Variants in APOB observed in about 807,000 individuals in gnomAD.
APOB encodes apolipoprotein B-100.
APOB carries 153 observed loss-of-function variants against 314.1 expected under a neutral mutation model. That is an observed-to-expected ratio of 0.49 (90% CI 0.43 to 0.56). APOB has a LOEUF of 0.56. Ranked by LOEUF, APOB falls within the 20% of genes least tolerant of loss-of-function variation. APOB has a pLI of 0.00. For missense variants in APOB, 5,430 were observed against 5,350.7 expected, an observed-to-expected ratio of 1.01 and a Z score of -0.46; for synonymous variants, 2,087 against 2,036.4, an observed-to-expected ratio of 1.02 and a Z score of -0.67.
Position 21,006,890 on chromosome 2 carries a change from T to C in APOB, c.9978A>G (p.Ile3326Met). ...SLPDFKELCT[I>M]SHIFIPAMGN... The stretch of plus-strand genomic sequence containing the variant: ...CCATGGCAGGAATAAAAATATGGCT[T>C]ATGGTACACAATTCCTTGAAATCTG... The change falls in exon 26 of 29, where the codon ATA becomes ATG. Residue 3326 changes from isoleucine to methionine, a missense_variant. Ile to Met is a conservative substitution (Grantham distance 10). Around this residue, in one of 3 missense-constraint regions of APOB, gnomAD observed 3,281 missense variants for 3,171.0 expected, o/e 1.03. Transcript: ENST00000233242. The C allele has an allele frequency of 6.2e-7, 1 of 1,614,092 alleles. No individual in the cohort carries two copies. The highest frequency in any genetic ancestry group is 8.5e-7 in the Non-Finnish European group (1 of 1,179,970).
At position 21,013,236 on chromosome 2, in the gene APOB, T is replaced by C. The variant is rs781016611; in HGVS notation, c.4140A>G (p.Thr1380=). ...SASYSGGNTS[T]DHFSLRARYH... ...AACGAGCCCGAAGGCTGAAATGGTC[T>C]GTGCTGGTGTTGCCACCACTGTAGG... Residue 1380 remains threonine (T), a synonymous_variant, in exon 25 of 29, where the codon ACA becomes ACG. Transcript: ENST00000233242. The C allele has an allele frequency of 1.2e-6, 2 of 1,614,212 alleles. No individual in the cohort carries two copies. Among genetic ancestry groups the C allele is most frequent in the Non-Finnish European group, 1.7e-6 (2 of 1,180,038 alleles).
intron 1 of APOB, 37 bp downstream of exon 1, chr2:21,043,817 GGCTCCCTCCC>G: frequency 6.5e-7 from 1 of 1,532,450 alleles, no homozygotes; most frequent in Non-Finnish European, 8.7e-7. Context: ...TCGTGCCGCC[GGCTCCCTCCC>G]GCTCCCTCTG....
chr2:21,022,414 C>T (rs1663633222), intron 18 of APOB, among the ~76,000 whole-genome samples: 1 of 152,144 alleles, frequency 6.6e-6, no homozygotes, highest in Non-Finnish European at 1.5e-5. Context: ...TCATGCTTTA[C>T]CTACCTAGCT....
chr2:21,011,760 G>T lies in APOB; in HGVS notation c.5108C>A (p.Ala1703Asp), dbSNP rs557580138. The T allele has an allele frequency of 6.2e-7, 1 of 1,614,116 alleles. No individual in the cohort carries two copies. The highest frequency in any genetic ancestry group is 2.2e-5 in the East Asian group (1 of 44,868). Residue 1703 changes from alanine to aspartate, a missense_variant, in exon 26 of 29, where the codon GCC becomes GAC. Around this residue, in one of 3 missense-constraint regions of APOB, gnomAD observed 2,085 missense variants for 2,079.7 expected, o/e 1.00. Coordinates refer to ENST00000233242, the MANE Select transcript of APOB (RefSeq NM_000384.3). ...HNAKFSLDGK[A>D]ALTELSLGSA... ...TCCCAGTGATAGCTCTGTGAGGGCG[G>T]CTTTCCCATCCAGACTGAATTTTGC...
Position 21,011,141 on chromosome 2 carries a change from T to A in APOB, c.5727A>T (p.Ala1909=), listed in dbSNP as rs1663307268. 3 of 1,614,190 alleles carry A rather than the reference T, an allele frequency of 1.9e-6. No individual in the cohort carries two copies. The highest frequency in any genetic ancestry group is 2.5e-6 in the Non-Finnish European group (3 of 1,180,030). The stretch of plus-strand genomic sequence containing the variant: ...CGAGTTTCCCATTGCCATTTGTATG[T>A]GCATCGATGGTCATGGTAAACGGGG... The part of the protein sequence containing the change: ...VMAPFTMTID[A]HTNGNGKLAL... Residue 1909 remains alanine (A), a synonymous_variant, in exon 26 of 29, where the codon GCA becomes GCT. Transcript: ENST00000233242.
Position 21,025,016 on chromosome 2 carries a change from C to T in APOB, c.2353G>A (p.Gly785Ser). The T allele has an allele frequency of 6.2e-7, 1 of 1,614,246 alleles. No individual in the cohort carries two copies. The highest frequency in any genetic ancestry group is 8.5e-7 in the Non-Finnish European group (1 of 1,180,048). The change falls in exon 16 of 29, where the codon GGT (glycine) becomes AGT (serine). Residue 785 changes from glycine (G) to serine (S), a missense_variant. This residue lies in a region of APOB where 2,085 missense variants were observed against 2,079.7 expected (regional missense o/e 1.00). Coordinates refer to ENST00000233242, the MANE Select transcript of APOB (RefSeq NM_000384.3). ...AYLRILGEEL[G>S]FASLHDLQLL... is the part of the protein sequence containing the mutation. ...TGGAGGTCATGGAGACTGGCAAAAC[C>T]AAGCTCCTCTCCCAAGATGCGGAGG...
intron 4 of APOB, among the ~76,000 whole-genome samples, chr2:21,040,524 G>C (rs541642245): frequency 6.6e-6 from 1 of 152,166 alleles, no homozygotes; most frequent in Non-Finnish European, 1.5e-5. Context: ...GGGAGCCACC[G>C]AAGCCTTGGT....
intron 26 of APOB, 139 bp downstream of exon 26, chr2:21,004,941 A>G: frequency 8.5e-7 from 1 of 1,182,494 alleles, no homozygotes. Flanking sequence ...TGTAGGGTAT[A>G]CATGTATCTC....
At position 21,030,952 on chromosome 2, in the gene APOB, A is replaced by G. The variant is rs1344077746; in HGVS notation, c.1353-937T>C. Among the ~76,000 whole-genome samples, 3 of 152,232 alleles carry G rather than the reference A, an allele frequency of 2.0e-5. No homozygotes were observed. In the East Asian group the frequency reaches 5.8e-4, roughly 29 times the overall value. On this transcript the variant is annotated intron_variant, in intron 10 of 28. Coordinates refer to ENST00000233242, the MANE Select transcript of APOB (RefSeq NM_000384.3). ...GCCATTATTCAAAAGACAAAAAATAACAGTTGTTGGTGAGGATACAGAGAA... is the reference window on the plus strand; with the variant it reads ...GCCATTATTCAAAAGACAAAAAATAGCAGTTGTTGGTGAGGATACAGAGAA...
Position 21,014,469 on chromosome 2 carries a change from G to A in APOB, c.3821C>T (p.Pro1274Leu), listed in dbSNP as rs1204565963. Residue 1274 changes from proline (P) to leucine (L), a missense_variant, in exon 24 of 29, where the codon CCA (proline) becomes CTA (leucine). This residue lies in a region of APOB where 2,085 missense variants were observed against 2,079.7 expected (regional missense o/e 1.00). Coordinates refer to ENST00000233242, the MANE Select transcript of APOB (RefSeq NM_000384.3). ...TTACCTTTTTAAGAAGAGGTTTTCT[G>A]GGATGTGGAAGTCTGGCAATCCCAT... The part of the protein sequence containing the change: ...QNMGLPDFHI[P>L]ENLFLKSDGR... The A allele has an allele frequency of 6.2e-7, 1 of 1,613,974 alleles. No individual in the cohort carries two copies. The highest frequency in any genetic ancestry group is 1.7e-5 in the Admixed American group (1 of 60,002).
Position 21,027,817 on chromosome 2 carries a change from T to C in APOB, c.2067+11A>G. 1.2e-6 allele frequency: 2 copies of C among 1,602,716 alleles called. No homozygotes were observed. Among genetic ancestry groups the C allele is most frequent in the Non-Finnish European group, 1.7e-6 (2 of 1,169,632 alleles). On this transcript the variant is annotated intron_variant, in intron 14 of 28. Transcript: ENST00000233242. ...AAATGGGCTAGAGAACCTCAAACTCTTCACACTTACCTCGATGAGGTCAGC... is the reference window on the plus strand; with the variant it reads ...AAATGGGCTAGAGAACCTCAAACTCCTCACACTTACCTCGATGAGGTCAGC...
intron 2 of APOB, 69 bp downstream of exon 2, chr2:21,043,444 C>T: frequency 6.5e-7 from 1 of 1,545,082 alleles, no homozygotes; most frequent in Admixed American, 1.9e-5. Flanking sequence ...GGGAGGCCCT[C>T]AGGGACCCGG....
Position 21,027,828 on chromosome 2 carries a change from C to T in APOB, c.2067G>A (p.Glu689=), listed in dbSNP as rs1663771546. Residue 689 remains glutamate, a splice_region_variant and synonymous_variant, in exon 14 of 29, where the codon GAG becomes GAA. Transcript: ENST00000233242. ...AFGFASADLI[E]IGLEGKGFEP... ...AGAACCTCAAACTCTTCACACTTACCTCGATGAGGTCAGCTGAAGCAAATC... is the reference window on the plus strand; with the variant it reads ...AGAACCTCAAACTCTTCACACTTACTTCGATGAGGTCAGCTGAAGCAAATC... 6.2e-7 allele frequency: 1 copy of T among 1,609,544 alleles called. No homozygotes were observed. Among genetic ancestry groups the T allele is most frequent in the Non-Finnish European group, 8.5e-7 (1 of 1,175,942 alleles).
chr2:21,035,796 G>T, intron 6 of APOB, 88 bp from the exon 7 acceptor site: 3 of 1,304,958 alleles, frequency 2.3e-6, no homozygotes, highest in Non-Finnish European at 2.2e-6. Context: ...GGGAGCAGGA[G>T]TCCTGTACCA....
rs1332744611 is a variant in APOB at position 21,009,706 on chromosome 2, C to G, written c.7162G>C (p.Asp2388His). 3 of 1,613,500 alleles carry G rather than the reference C, an allele frequency of 1.9e-6. No homozygotes were observed. Residue 2388 changes from aspartate to histidine, a missense_variant, in exon 26 of 29, where the codon GAT (aspartate) becomes CAT (histidine). Transcript: ENST00000233242. Reference sequence around the variant, plus strand: ...AATCCAACCAATTTCTCAAAGTAATCTTTTATCTTAACTTGTTGTAGGACA... The same window carrying G: ...AATCCAACCAATTTCTCAAAGTAATGTTTTATCTTAACTTGTTGTAGGACA... ...SNVLQQVKIKDYFEKLVGFID... is the reference protein window; with the variant it reads ...SNVLQQVKIKHYFEKLVGFID...
chr2:21,002,139 C>T lies in APOB; in HGVS notation c.13283G>A (p.Ser4428Asn). ...LKDFHSEYIV[S>N]ASNFTSQLSS... ...GAGTTGGGAAGTAAAGTTAGAGGCA[C>T]TGACAATATATTCAGAATGGAAGTC... The change falls in exon 29 of 29, where the codon AGT becomes AAT. Residue 4428 changes from serine (S) to asparagine (N), a missense_variant. Transcript: ENST00000233242. The T allele has an allele frequency of 1.2e-6, 2 of 1,613,962 alleles. No individual in the cohort carries two copies. Among genetic ancestry groups the T allele is most frequent in the Non-Finnish European group, 1.7e-6 (2 of 1,179,976 alleles).
chr2:21,024,874 G>A (rs747915976), intron 16 of APOB, 59 bp downstream of exon 16: 6 of 1,569,560 alleles, frequency 3.8e-6, no homozygotes, highest in Admixed American at 1.7e-5. Flanking sequence ...GAGTCTGGGC[G>A]ATCTAAAAAA....
intron 18 of APOB, among the ~76,000 whole-genome samples, chr2:21,020,171 A>G (rs1390874639): frequency 6.6e-6 from 1 of 152,182 alleles, no homozygotes; most frequent in Admixed American, 6.5e-5. Flanking sequence ...TTCTCATTTT[A>G]CAGAAGCAGA....
chr2:21,006,509 A>C lies in APOB; in HGVS notation c.10359T>G (p.Thr3453=), dbSNP rs1315058728. The C allele has an allele frequency of 7.4e-6, 12 of 1,614,028 alleles. No homozygotes were observed. The highest frequency in any genetic ancestry group is 1.0e-5 in the Non-Finnish European group (12 of 1,179,986). The stretch of plus-strand genomic sequence containing the variant: ...ACTTAAATTCCATGGAGGAAGAGAC[A>C]GTAGGTTTTGACTTGGTATTTCCAT... The part of the protein sequence containing the change: ...ELNGNTKSKP[T]VSSSMEFKYD... Residue 3453 remains threonine, a synonymous_variant, in exon 26 of 29, where the codon ACT becomes ACG. Coordinates refer to ENST00000233242, the MANE Select transcript of APOB (RefSeq NM_000384.3).
Sources: gnomAD v4.1 joint callset for allele counts (sites outside exome capture counted in the v4.1 genomes callset) on GRCh38, gnomAD v4.1.1 for gene constraint, gnomAD v4.1.1 regional missense constraint, MANE v1.5 for transcripts, NCBI Gene and HGNC (gene_info 2026-07-23, HGNC 2026-07-21) for gene names.